PPP1R9A: variants seen among roughly 807,000 people sequenced by gnomAD.
PPP1R9A encodes the protein neurabin-1.
PPP1R9A carries 59 observed loss-of-function variants against 141.9 expected under a neutral mutation model. The ratio of observed to expected loss-of-function variants is 0.42; its 90% confidence interval spans 0.34 to 0.52. The LOEUF (loss-of-function observed/expected upper bound fraction) is 0.52. Ranked by LOEUF, PPP1R9A falls within the 20% of genes least tolerant of loss-of-function variation. PPP1R9A has a pLI of 0.10. For missense variants in PPP1R9A, 1,444 were observed against 1,611.9 expected (o/e 0.90, Z 1.78); for synonymous variants, 500 against 569.7 (o/e 0.88, Z 1.74).
chr7:95,093,119 A>G (rs1655615189), intron 2 of PPP1R9A, among the ~76,000 whole-genome samples: 1 of 151,972 alleles, frequency 6.6e-6, no homozygotes, highest in Non-Finnish European at 1.5e-5. Context: ...GTTTTGTTTT[A>G]TTTTGTTTTG....
intron 6 of PPP1R9A, among the ~76,000 whole-genome samples, chr7:95,199,975 G>GT (rs1233834330): frequency 6.6e-6 from 1 of 151,978 alleles, no homozygotes; most frequent in African/African-American, 2.4e-5. Context: ...GGGGAGTACA[G>GT]TGACATCAAG....
At chr7:95,027,059 C>T (rs1806958013) in intron 2 of PPP1R9A, among the ~76,000 whole-genome samples, 1 of 152,138 alleles carries the variant, frequency 6.6e-6, no homozygotes, top group African/African-American at 2.4e-5. Flanking sequence ...CCACTTGGCT[C>T]CCTGACTTCA....
At chr7:95,075,569 G>C (rs1223418309) in intron 2 of PPP1R9A, among the ~76,000 whole-genome samples, 1 of 152,116 alleles carries the variant, frequency 6.6e-6, no homozygotes, top group Non-Finnish European at 1.5e-5. Flanking sequence ...GGTGGCTCAT[G>C]CCTGTAAAGT....
intron 2 of PPP1R9A, among the ~76,000 whole-genome samples, chr7:94,987,830 CCTTAT>C (rs1480404324): frequency 1.3e-5 from 2 of 152,016 alleles, no homozygotes; most frequent in African/African-American, 2.4e-5. Flanking sequence ...CTCAATTCCT[CCTTAT>C]CTTATTACAT....
intron 8 of PPP1R9A, among the ~76,000 whole-genome samples, chr7:95,233,580 G>A (rs149803451): frequency 2.0e-5 from 3 of 152,194 alleles, no homozygotes; most frequent in African/African-American, 7.2e-5. Context: ...CACATTCACA[G>A]CTGCATTCTG....
At chr7:95,120,532 G>A (rs1205640716) in intron 3 of PPP1R9A, among the ~76,000 whole-genome samples, 180 bp from the exon 4 acceptor site, 1 of 152,182 alleles carries the variant, frequency 6.6e-6, no homozygotes, top group Non-Finnish European at 1.5e-5. Flanking sequence ...GCCTTTTGGA[G>A]GATCTCATTA....
At chr7:95,169,243 A>G (rs867216568) in intron 5 of PPP1R9A, among the ~76,000 whole-genome samples, 1 of 151,978 alleles carries the variant, frequency 6.6e-6, no homozygotes, top group Non-Finnish European at 1.5e-5. Flanking sequence ...AGCAACGTGG[A>G]TGGGAACTGG....
At chr7:95,147,382 A>G (rs1228028817) in intron 4 of PPP1R9A, among the ~76,000 whole-genome samples, 1 of 152,200 alleles carries the variant, frequency 6.6e-6, no homozygotes, top group Non-Finnish European at 1.5e-5. Flanking sequence ...TTACCAGCTT[A>G]AGGAGTTTTT....
intron 4 of PPP1R9A, among the ~76,000 whole-genome samples, chr7:95,151,233 T>G (rs992434011): frequency 2.6e-5 from 4 of 152,228 alleles, no homozygotes; most frequent in African/African-American, 9.7e-5. Flanking sequence ...CACCAGGATG[T>G]CCTACACTGG....
At position 95,111,301 on chromosome 7, in the gene PPP1R9A, G is replaced by A. The variant is rs1820523018; in HGVS notation, c.1438G>A (p.Asp480Asn). Residue 480 changes from aspartate to asparagine, a missense_variant, in exon 3 of 20, where the codon GAC becomes AAC. Transcript: ENST00000433360. The part of the protein sequence containing the change: ...YSNEDYDRRN[D>N]EVDPVAASAE... Reference sequence around the variant, plus strand: ...CAATGAAGACTATGACAGGAGAAATGACGAAGTTGACCCTGTGGCTGCTTC... The same window carrying A: ...CAATGAAGACTATGACAGGAGAAATAACGAAGTTGACCCTGTGGCTGCTTC... The A allele has an allele frequency of 6.2e-7, 1 of 1,612,536 alleles. No individual in the cohort carries two copies. The highest frequency in any genetic ancestry group is 2.2e-5 in the East Asian group (1 of 44,804).
At chr7:95,184,993 A>T (rs1834412479) in intron 5 of PPP1R9A, among the ~76,000 whole-genome samples, 1 of 150,172 alleles carries the variant, frequency 6.7e-6, no homozygotes, top group East Asian at 1.9e-4. Context: ...CTGGTAGTTA[A>T]ATTGCTAGGT....
chr7:94,918,653 C>T (rs941217019), intron 2 of PPP1R9A, among the ~76,000 whole-genome samples: 3 of 152,054 alleles, frequency 2.0e-5, no homozygotes, highest in Admixed American at 6.5e-5. Flanking sequence ...CCCAATTCCC[C>T]TTCCTTCTTC....
intron 2 of PPP1R9A, among the ~76,000 whole-genome samples, chr7:94,958,125 A>C (rs917424389): frequency 5.3e-5 from 8 of 152,110 alleles, no homozygotes; most frequent in Non-Finnish European, 1.0e-4. Context: ...TGTTGGTCTC[A>C]GTAGATCCAG....
At chr7:94,949,583 A>T (rs750199266) in intron 2 of PPP1R9A, among the ~76,000 whole-genome samples, 1 of 152,106 alleles carries the variant, frequency 6.6e-6, no homozygotes, top group South Asian at 2.1e-4. Context: ...TGAAGCCTCT[A>T]TTGGGCTAGT....
chr7:95,008,456 G>GTAGGC (rs1207112715), intron 2 of PPP1R9A, among the ~76,000 whole-genome samples: 1 of 152,170 alleles, frequency 6.6e-6, no homozygotes, highest in African/African-American at 2.4e-5. Context: ...TAGTTAAAGA[G>GTAGGC]TAGGCTAAGT....
At chr7:95,000,358 T>A (rs1802750051) in intron 2 of PPP1R9A, among the ~76,000 whole-genome samples, 1 of 152,150 alleles carries the variant, frequency 6.6e-6, no homozygotes, top group African/African-American at 2.4e-5. Context: ...TCATGTAGAT[T>A]TTTGCATGTA....
At chr7:95,196,237 T>A (rs1345167002) in intron 5 of PPP1R9A, among the ~76,000 whole-genome samples, 1 of 152,044 alleles carries the variant, frequency 6.6e-6, no homozygotes, top group Non-Finnish European at 1.5e-5. Context: ...GATAATATCA[T>A]CAGTCATCAG....
chr7:94,963,108 G>C (rs1797817681), intron 2 of PPP1R9A, among the ~76,000 whole-genome samples: 2 of 152,044 alleles, frequency 1.3e-5, no homozygotes. Context: ...AAACCACATA[G>C]CCATAAAATA....
chr7:95,209,596 A>G (rs904341184), intron 7 of PPP1R9A, among the ~76,000 whole-genome samples: 1 of 152,214 alleles, frequency 6.6e-6, no homozygotes. Context: ...TTCTCCCTAG[A>G]AGGAGATTGT....
Sources: gnomAD v4.1 joint callset for allele counts (sites outside exome capture counted in the v4.1 genomes callset) on GRCh38, gnomAD v4.1.1 for gene constraint, MANE v1.5 for transcripts, NCBI Gene and HGNC (gene_info 2026-07-23, HGNC 2026-07-21) for gene names.